DPP6: variants seen among roughly 807,000 people sequenced by gnomAD.
DPP6 encodes A-type potassium channel modulatory protein DPP6.
DPP6 carries 69 observed loss-of-function variants against 122.6 expected under a neutral mutation model. The observed-to-expected ratio is 0.56, with a 90% CI of 0.46 to 0.69. The LOEUF is 0.69. Ranked by LOEUF, DPP6 falls within the 30% of genes least tolerant of loss-of-function variation. The probability of loss-of-function intolerance (pLI) is 0.00; values close to 1 mark genes in which losing one functional copy is unlikely to be tolerated. For missense variants in DPP6, 928 were observed against 1,116.9 expected (o/e 0.83, Z 2.41); for synonymous variants, 418 against 433.1 (o/e 0.97, Z 0.43).
intron 3 of DPP6, among the ~76,000 whole-genome samples, chr7:154,528,030 C>A (rs1306424151): frequency 6.6e-6 from 1 of 151,660 alleles, no homozygotes; most frequent in Non-Finnish European, 1.5e-5. Flanking sequence ...CTAGTCCTAG[C>A]TACCAATGCA....
At chr7:154,736,978 A>T (rs1279270081) in intron 8 of DPP6, among the ~76,000 whole-genome samples, 1 of 152,190 alleles carries the variant, frequency 6.6e-6, no homozygotes, top group African/African-American at 2.4e-5. Flanking sequence ...TTTAATTATG[A>T]GTTTCACGTT....
chr7:154,060,423 C>T lies in DPP6; in HGVS notation c.243+7360C>T, dbSNP rs540315175. Among the ~76,000 whole-genome samples the T allele has an allele frequency of 6.7e-3, 923 of 137,380 alleles. 89 individuals carry two copies. Among genetic ancestry groups the T allele is most frequent in the African/African-American group, 0.025 (861 of 34,086 alleles). The allele number at this position is 137,380 out of a possible 152,430, so 90.1% of individuals were successfully genotyped here. Reference sequence around the variant, plus strand: ...CCCCATCGCAGAGGGGGGAGGCACCCCCCGCGAGGCGGGGACTGCGAGCCA... The same window carrying T: ...CCCCATCGCAGAGGGGGGAGGCACCTCCCGCGAGGCGGGGACTGCGAGCCA... On this transcript the variant is annotated intron_variant, in intron 1 of 25. Transcript: ENST00000377770.
intron 7 of DPP6, among the ~76,000 whole-genome samples, chr7:154,710,956 G>T (rs1305892212): frequency 6.6e-6 from 1 of 152,192 alleles, no homozygotes; most frequent in Non-Finnish European, 1.5e-5. Flanking sequence ...CATACAACAG[G>T]ATCTTTCACT....
At chr7:154,003,479 G>A (rs1797775651) in intron 1 of DPP6, among the ~76,000 whole-genome samples, 2 of 152,248 alleles carry the variant, frequency 1.3e-5, no homozygotes, top group Admixed American at 6.5e-5. Flanking sequence ...TCCTAACACA[G>A]AGTCCTGTGA....
At chr7:153,878,250 A>G in the DPP6 span, among the ~76,000 whole-genome samples, 1 of 152,310 alleles carries the variant, frequency 6.6e-6, no homozygotes, top group Non-Finnish European at 1.5e-5. Flanking sequence ...TACTAAGGCT[A>G]AACATATACC....
chr7:153,858,368 G>A, the DPP6 span, among the ~76,000 whole-genome samples: 1 of 152,192 alleles, frequency 6.6e-6, no homozygotes. Context: ...AGTTTTCAGG[G>A]TGTCAGGTAA....
chr7:154,758,007 C>T (rs574134638), intron 8 of DPP6, among the ~76,000 whole-genome samples: 1 of 152,268 alleles, frequency 6.6e-6, no homozygotes, highest in East Asian at 1.9e-4. Flanking sequence ...CCGCCACGCA[C>T]GGCCTCCTGG....
intron 1 of DPP6, among the ~76,000 whole-genome samples, chr7:154,127,275 T>G (rs181284273): frequency 6.6e-6 from 1 of 152,218 alleles, no homozygotes; most frequent in South Asian, 2.1e-4. Flanking sequence ...AAGAAAATAT[T>G]TTCCAAGAGA....
chr7:154,807,169 G>A, intron 16 of DPP6, 57 bp downstream of exon 16: 7 of 1,590,090 alleles, frequency 4.4e-6, no homozygotes, highest in Non-Finnish European at 6.0e-6. Flanking sequence ...TTTGCAGGGA[G>A]GGGGTGGGCA....
the DPP6 span, among the ~76,000 whole-genome samples, chr7:153,799,374 A>T: frequency 2.6e-5 from 4 of 152,202 alleles, no homozygotes; most frequent in Non-Finnish European, 5.9e-5. Context: ...TACGATGAAG[A>T]CATATTTTTG....
intron 1 of DPP6, among the ~76,000 whole-genome samples, chr7:154,142,443 C>T (rs1795893165): frequency 6.6e-6 from 1 of 152,160 alleles, no homozygotes; most frequent in African/African-American, 2.4e-5. Flanking sequence ...CAAATATGTG[C>T]AGAAGTGGAA....
chr7:153,837,526 A>G, the DPP6 span, among the ~76,000 whole-genome samples: 13 of 152,304 alleles, frequency 8.5e-5, no homozygotes, highest in Middle Eastern at 3.4e-3. Flanking sequence ...GTGCCATGCT[A>G]CCTTTCCAGG....
Position 154,863,912 on chromosome 7 carries a change from G to T in DPP6, c.1715-4083G>T, listed in dbSNP as rs1254111189. Among the ~76,000 whole-genome samples, 1 of 152,174 alleles carries T rather than the reference G, an allele frequency of 6.6e-6. No individual in the cohort carries two copies. The highest frequency in any genetic ancestry group is 6.5e-5 in the Admixed American group (1 of 15,274). Reference sequence around the variant, plus strand: ...GGGCCTGAATCTGGTCTTCGAATATGACTAATGGCCTAGCCCTGGGGTAAG... The same window carrying T: ...GGGCCTGAATCTGGTCTTCGAATATTACTAATGGCCTAGCCCTGGGGTAAG... On this transcript the variant is annotated intron_variant, in intron 17 of 25. Coordinates refer to ENST00000377770, the MANE Select transcript of DPP6 (RefSeq NM_130797.4). This position sits in a 1 kb window ranked among gnomAD's most constrained non-coding sequence, Gnocchi z 4.1.
intron 1 of DPP6, among the ~76,000 whole-genome samples, chr7:154,281,882 C>A (rs1029006231): frequency 2.0e-5 from 3 of 152,190 alleles, no homozygotes; most frequent in African/African-American, 7.2e-5. Context: ...TACAAACCAC[C>A]CTCATCTTGG....
chr7:154,175,270 A>T (rs1044253062), intron 1 of DPP6, among the ~76,000 whole-genome samples: 2 of 152,134 alleles, frequency 1.3e-5, no homozygotes. Flanking sequence ...GAGACTTTGC[A>T]GATGGAATTA....
the DPP6 span, among the ~76,000 whole-genome samples, chr7:153,824,431 A>G: frequency 6.7e-6 from 1 of 148,300 alleles, no homozygotes; most frequent in Non-Finnish European, 1.5e-5. Context: ...TCATGCCTGT[A>G]ATCCCAGCAC....
intron 1 of DPP6, among the ~76,000 whole-genome samples, chr7:154,215,010 T>C (rs558179745): frequency 6.6e-6 from 1 of 152,262 alleles, no homozygotes; most frequent in African/African-American, 2.4e-5. Flanking sequence ...AGCCCCCCGG[T>C]TGCCTTTCCA....
At chr7:154,727,195 G>T (rs188463886) in intron 7 of DPP6, among the ~76,000 whole-genome samples, 7 of 152,282 alleles carry the variant, frequency 4.6e-5, no homozygotes, top group Admixed American at 4.6e-4. Flanking sequence ...TCATGATTCT[G>T]CAGGCTACAT....
intron 6 of DPP6, among the ~76,000 whole-genome samples, chr7:154,668,195 T>TC: frequency 4.4e-5 from 1 of 22,540 alleles, no homozygotes; most frequent in Non-Finnish European, 1.5e-4. Context: ...TATGTGTATA[T>TC]TTTATATATA....
Sources: gnomAD v4.1 joint callset for allele counts (sites outside exome capture counted in the v4.1 genomes callset) on GRCh38, gnomAD v4.1.1 for gene constraint, Gnocchi (gnomAD v3.1) non-coding constraint, MANE v1.5 for transcripts, NCBI Gene and HGNC (gene_info 2026-07-23, HGNC 2026-07-21) for gene names.